Variants in VAV2 observed in about 807,000 individuals in gnomAD.
VAV2 encodes vav guanine nucleotide exchange factor 2, also known as guanine nucleotide exchange factor VAV2.
In VAV2, 67 loss-of-function variants were observed where a neutral mutation model predicts 132.5. That is an observed-to-expected ratio of 0.51 (90% CI 0.42 to 0.62). The LOEUF is 0.62. Among genes scored for constraint, VAV2 ranks in the 20% least tolerant of loss-of-function variants. The pLI, the probability that VAV2 is intolerant of heterozygous loss-of-function variation, is 0.00. For missense variants in VAV2, 938 were observed against 1,153.6 expected (o/e 0.81, Z 2.71); for synonymous variants, 492 against 443.5 (o/e 1.11, Z -1.37).
chr9:133,918,318 C>T lies in VAV2; in HGVS notation c.321+20785G>A, dbSNP rs984481161. On this transcript the variant is annotated intron_variant, in intron 2 of 29. Coordinates refer to ENST00000371850, the MANE Select transcript of VAV2 (RefSeq NM_001134398.2). The surrounding 1 kb of genome is among the most constrained non-coding windows in gnomAD (Gnocchi z 4.7). Reference sequence around the variant, plus strand: ...AGCGAACCAGAGAGCAGGAAGGCGGCGCTGGCTCCGAGCCTTGTGTCTGCA... The same window carrying T: ...AGCGAACCAGAGAGCAGGAAGGCGGTGCTGGCTCCGAGCCTTGTGTCTGCA... 2.6e-5 allele frequency among the ~76,000 whole-genome samples: 4 copies of T among 152,166 alleles called. No homozygotes were observed. Among genetic ancestry groups the T allele is most frequent in the African/African-American group, 4.8e-5 (2 of 41,448 alleles).
chr9:133,775,961 C>T (rs571604700), intron 24 of VAV2, 67 bp downstream of exon 24: 19 of 1,539,520 alleles, frequency 1.2e-5, no homozygotes, highest in South Asian at 7.3e-5. Flanking sequence ...CACCCAGACC[C>T]GGCGGGCATG....
intron 1 of VAV2, among the ~76,000 whole-genome samples, chr9:133,944,973 C>T: frequency 6.6e-6 from 1 of 152,240 alleles, no homozygotes; most frequent in Non-Finnish European, 1.5e-5. Context: ...CGCTGACTCA[C>T]AGTGATTATA....
chr9:133,877,751 T>C (rs1838317887), intron 2 of VAV2, among the ~76,000 whole-genome samples: 1 of 152,122 alleles, frequency 6.6e-6, no homozygotes, highest in Admixed American at 6.5e-5. Context: ...GGCTGATGGG[T>C]TTCCAGTGGC....
In VAV2 at chr9:133,789,561, C is replaced by T. The variant is rs1018273426; in HGVS notation, c.1189-218G>A. Among the ~76,000 whole-genome samples, 5 of 152,228 alleles carry T rather than the reference C, an allele frequency of 3.3e-5. 2 individuals are homozygous for T. Among genetic ancestry groups the T allele is most frequent in the Admixed American group, 1.3e-4 (2 of 15,288 alleles). ...GGACTGGGCCTGGCAGCTTCTCTCC[C>T]TTTCCTGGCCAGCCCTGCCAAGGGG... On this transcript the variant is annotated intron_variant, in intron 13 of 29. Coordinates refer to ENST00000371850, the MANE Select transcript of VAV2 (RefSeq NM_001134398.2).
intron 10 of VAV2, among the ~76,000 whole-genome samples, chr9:133,796,921 C>G (rs147555934): frequency 1.9e-3 from 295 of 152,334 alleles, no homozygotes; most frequent in Non-Finnish European, 2.9e-3. Flanking sequence ...GGTCTGGCCT[C>G]TGGGAGAAGC....
chr9:133,925,980 A>G (rs1406411314), intron 2 of VAV2: 1 of 144,708 alleles, frequency 6.9e-6, no homozygotes. Flanking sequence ...TTTAAAACTT[A>G]ATTAACTGTG....
At chr9:133,977,930 ACG>A (rs1842566527) in intron 1 of VAV2, among the ~76,000 whole-genome samples, 1 of 103,828 alleles carries the variant, frequency 9.6e-6, no homozygotes, top group African/African-American at 6.1e-5. Flanking sequence ...GCCCTGGGGC[ACG>A]CAGCTCCCAC....
intron 29 of VAV2, among the ~76,000 whole-genome samples, chr9:133,766,156 G>T (rs914064601): frequency 3.3e-5 from 5 of 152,120 alleles, no homozygotes; most frequent in African/African-American, 9.7e-5. Flanking sequence ...AGGTAAACAC[G>T]GGGTAAATCT....
chr9:133,828,553 T>C (rs1836140122), intron 4 of VAV2, among the ~76,000 whole-genome samples: 3 of 152,198 alleles, frequency 2.0e-5, no homozygotes, highest in Admixed American at 6.5e-5. Flanking sequence ...TGCTGCCCCC[T>C]GCAGCCAGCA....
At chr9:133,789,449 C>T in intron 13 of VAV2, 106 bp from the exon 14 acceptor site, 1 of 1,064,908 alleles carries the variant, frequency 9.4e-7, no homozygotes, top group Non-Finnish European at 1.4e-6. Context: ...TCCCCACAGG[C>T]AGCAGAGGCG....
In VAV2 at chr9:133,776,014, C is replaced by T; in HGVS notation, c.2018+14G>A. On this transcript the variant is annotated intron_variant, in intron 24 of 29. Transcript: ENST00000371850. ...CCACCAGATGCCCATGTCTGCAGCC[C>T]ACGATCCACTCACCAGGGGTATGCA... 6.2e-7 allele frequency: 1 copy of T among 1,604,912 alleles called. No individual in the cohort carries two copies. The highest frequency in any genetic ancestry group is 8.5e-7 in the Non-Finnish European group (1 of 1,174,316).
At position 133,935,333 on chromosome 9, in the gene VAV2, C is replaced by T. The variant is rs1750047749; in HGVS notation, c.321+3770G>A. On this transcript the variant is annotated intron_variant, in intron 2 of 29. Transcript: ENST00000371850. The surrounding 1 kb of genome is among the most constrained non-coding windows in gnomAD (Gnocchi z 5.2). Reference sequence around the variant, plus strand: ...TCTTCATCTCTGTGGCCAGAGGGACCGATGCATGGAATGGCCAAGTAAGGA... The same window carrying T: ...TCTTCATCTCTGTGGCCAGAGGGACTGATGCATGGAATGGCCAAGTAAGGA... 1.3e-5 allele frequency among the ~76,000 whole-genome samples: 2 copies of T among 152,182 alleles called. No homozygotes were observed. The highest frequency in any genetic ancestry group is 4.8e-5 in the African/African-American group (2 of 41,452).
intron 2 of VAV2, among the ~76,000 whole-genome samples, chr9:133,915,417 C>CT (rs1214089805): frequency 6.6e-6 from 1 of 152,242 alleles, no homozygotes; most frequent in African/African-American, 2.4e-5. Context: ...AGCTGACTTT[C>CT]TCCCAAGGAG....
At chr9:133,791,320 A>G (rs1834451037) in intron 13 of VAV2, among the ~76,000 whole-genome samples, 1 of 151,940 alleles carries the variant, frequency 6.6e-6, no homozygotes. Context: ...AGCAGAGGCG[A>G]CTGCCGGCCC....
At chr9:133,916,533 A>C (rs7042174) in intron 2 of VAV2, among the ~76,000 whole-genome samples, 31,854 of 151,700 alleles carry the variant, frequency 0.21, 3,809 homozygotes, top group African/African-American at 0.31. Flanking sequence ...GGGCAGTTTG[A>C]GGATGTGGGG....
intron 25 of VAV2, among the ~76,000 whole-genome samples, 179 bp from the exon 26 acceptor site, chr9:133,772,225 C>T (rs1256039825): frequency 6.6e-6 from 1 of 152,236 alleles, no homozygotes; most frequent in Non-Finnish European, 1.5e-5. Context: ...CAGACAGCTC[C>T]TGCCACCTGC....
At chr9:133,831,042 C>T (rs921761127) in intron 4 of VAV2, among the ~76,000 whole-genome samples, 1 of 152,142 alleles carries the variant, frequency 6.6e-6, no homozygotes, top group African/African-American at 2.4e-5. Context: ...CAGTGCAAAG[C>T]CACAGGTTCC....
intron 1 of VAV2, among the ~76,000 whole-genome samples, chr9:133,958,616 C>T (rs1046422660): frequency 5.3e-5 from 8 of 151,082 alleles, no homozygotes; most frequent in Admixed American, 1.3e-4. Context: ...ATATGCTGAA[C>T]GCTGGTTCCC....
intron 4 of VAV2, among the ~76,000 whole-genome samples, chr9:133,827,535 G>A: frequency 1.2e-5 from 1 of 80,266 alleles, no homozygotes; most frequent in Non-Finnish European, 2.7e-5. Context: ...GCTGACCACT[G>A]AGCACGGGCA....
Sources: gnomAD v4.1 joint callset for allele counts (sites outside exome capture counted in the v4.1 genomes callset) on GRCh38, gnomAD v4.1.1 for gene constraint, Gnocchi (gnomAD v3.1) non-coding constraint, MANE v1.5 for transcripts, NCBI Gene and HGNC (gene_info 2026-07-23, HGNC 2026-07-21) for gene names.